GTF2E2: variants seen among roughly 807,000 people sequenced by gnomAD.
GTF2E2 encodes the protein general transcription factor IIE subunit 2, also known as transcription initiation factor IIE subunit beta.
Under a neutral mutation model 40.5 loss-of-function variants are expected in GTF2E2, and 21 were observed. The ratio of observed to expected loss-of-function variants is 0.52; its 90% CI spans 0.37 to 0.75. The LOEUF (loss-of-function observed/expected upper bound fraction) is 0.75, where lower values mean the gene tolerates loss of function less well. GTF2E2 is among the 30% of genes least tolerant of loss of function. The pLI, the probability that GTF2E2 is intolerant of heterozygous loss-of-function variation, is 0.00. For missense variants in GTF2E2, 298 were observed against 338.4 expected (o/e 0.88, Z 0.94); for synonymous variants, 117 against 121.6 (o/e 0.96, Z 0.25).
intron 3 of GTF2E2, among the ~76,000 whole-genome samples, chr8:30,616,504 G>GAAA (rs1563489746): frequency 6.6e-6 from 1 of 151,564 alleles, no homozygotes; most frequent in Non-Finnish European, 1.5e-5. Context: ...GTTGAGGGGA[G>GAAA]AGGATGAACA....
chr8:30,605,313 T>C (rs73574198), intron 6 of GTF2E2, among the ~76,000 whole-genome samples: 1,692 of 151,702 alleles, frequency 0.011, 34 homozygotes, highest in African/African-American at 0.039. Flanking sequence ...AGGAGAGAGA[T>C]AGGTATAGGA....
chr8:30,612,630 GATTC>G, intron 4 of GTF2E2, 149 bp from the exon 5 acceptor site: 5 of 426,128 alleles, frequency 1.2e-5, no homozygotes, highest in Non-Finnish European at 2.1e-5. Context: ...GGGTTCAAGC[GATTC>G]TCCTGCCTCA....
At chr8:30,627,045 A>G (rs1214481228) in intron 3 of GTF2E2, among the ~76,000 whole-genome samples, 1 of 152,338 alleles carries the variant, frequency 6.6e-6, no homozygotes, top group African/African-American at 2.4e-5. Flanking sequence ...ATAGAATCAC[A>G]CCACTGATGG....
intron 2 of GTF2E2, among the ~76,000 whole-genome samples, chr8:30,638,832 C>T (rs1801703131): frequency 6.6e-6 from 1 of 152,180 alleles, no homozygotes; most frequent in Admixed American, 6.5e-5. Flanking sequence ...TTGATAAGCA[C>T]CCTTACCATC....
chr8:30,588,577 T>C (rs1346199703), intron 6 of GTF2E2, among the ~76,000 whole-genome samples: 1 of 151,950 alleles, frequency 6.6e-6, no homozygotes, highest in African/African-American at 2.4e-5. Context: ...AGAAGGGGAA[T>C]GAGGAGGTGT....
At chr8:30,637,224 G>A (rs909662247) in intron 2 of GTF2E2, 4 of 455,062 alleles carry the variant, frequency 8.8e-6, no homozygotes, top group African/African-American at 8.0e-5. Flanking sequence ...GCTTGTTTAA[G>A]TAAAATAATA....
intron 3 of GTF2E2, among the ~76,000 whole-genome samples, chr8:30,618,986 G>A (rs371253317): frequency 1.1e-4 from 17 of 152,042 alleles, no homozygotes; most frequent in South Asian, 8.3e-4. Flanking sequence ...CCTTGTCACC[G>A]GGCTAGAGTG....
intron 2 of GTF2E2, among the ~76,000 whole-genome samples, chr8:30,652,358 A>G (rs1355921771): frequency 6.6e-6 from 1 of 152,198 alleles, no homozygotes; most frequent in African/African-American, 2.4e-5. Flanking sequence ...ATGAAGAATT[A>G]TTAAATCAAT....
At chr8:30,636,614 T>G (rs1359825503) in intron 2 of GTF2E2, among the ~76,000 whole-genome samples, 1 of 152,210 alleles carries the variant, frequency 6.6e-6, no homozygotes, top group Non-Finnish European at 1.5e-5. Context: ...ACATTAAGAA[T>G]GCCTTACAGT....
At chr8:30,650,938 C>T (rs1046804833) in intron 2 of GTF2E2, among the ~76,000 whole-genome samples, 3 of 148,606 alleles carry the variant, frequency 2.0e-5, no homozygotes, top group African/African-American at 7.5e-5. Flanking sequence ...AGCATGAACC[C>T]GGGAAGTGGA....
chr8:30,629,961 TTTG>T lies in GTF2E2; in HGVS notation c.258+5068_258+5070del, dbSNP rs751094330. ...TATCAAAAATAAAGTACACACTTAATTTGTCATCTGAGAATTAAAGTGCTGTCT... is the reference window on the plus strand; with the variant it reads ...TATCAAAAATAAAGTACACACTTAATTCATCTGAGAATTAAAGTGCTGTCT... On this transcript the variant is annotated intron_variant, in intron 3 of 7. Coordinates refer to ENST00000355904, the MANE Select transcript of GTF2E2 (RefSeq NM_002095.6). 2.6e-5 allele frequency among the ~76,000 whole-genome samples: 4 copies of T among 152,162 alleles called. 1 individual carries two copies. Among genetic ancestry groups the T allele is most frequent in the South Asian group, 4.2e-4 (2 of 4,810 alleles).
intron 2 of GTF2E2, among the ~76,000 whole-genome samples, chr8:30,652,368 T>C (rs975166288): frequency 2.6e-5 from 4 of 151,680 alleles, no homozygotes; most frequent in Non-Finnish European, 4.4e-5. Context: ...ATTAAATCAA[T>C]AGAGAGAGGA....
chr8:30,631,013 A>G (rs1350388692), intron 3 of GTF2E2, among the ~76,000 whole-genome samples: 5 of 152,104 alleles, frequency 3.3e-5, no homozygotes, highest in African/African-American at 4.8e-5. Context: ...ATAAAAAGAA[A>G]TATTTTTTTC....
intron 2 of GTF2E2, chr8:30,645,366 T>G: frequency 6.5e-7 from 1 of 1,535,716 alleles, no homozygotes; most frequent in Non-Finnish European, 8.7e-7. Flanking sequence ...ACCTTGGTTT[T>G]CAAGTTCAAA....
Position 30,580,351 on chromosome 8 carries a change from T to A in GTF2E2, c.689A>T (p.Glu230Val), listed in dbSNP as rs757065013. Residue 230 changes from glutamate to valine, a missense_variant, in exon 7 of 8, where the codon GAG becomes GTG. Glu to Val is a moderately radical substitution (Grantham distance 121). Coordinates refer to ENST00000355904, the MANE Select transcript of GTF2E2 (RefSeq NM_002095.6). ...CTTCAGATATTCTTCAATTTTCTCC[T>A]CGTCCATGGAATCTACAGTGACACT... ...WRSVTVDSMD[E>V]EKIEEYLKRQ... 1 of 1,609,218 alleles carries A rather than the reference T, an allele frequency of 6.2e-7. No homozygotes were observed. Among genetic ancestry groups the A allele is most frequent in the Non-Finnish European group, 8.5e-7 (1 of 1,175,502 alleles).
At position 30,578,983 on chromosome 8, in the gene GTF2E2, T is replaced by A. The variant is rs778817965; in HGVS notation, c.814A>T (p.Thr272Ser). 1.2e-6 allele frequency: 2 copies of A among 1,611,560 alleles called. No individual in the cohort carries two copies. The highest frequency in any genetic ancestry group is 1.7e-6 in the Non-Finnish European group (2 of 1,177,672). ...PASQKKRRFK[T>S]HNEHLAGVLK... ...ACTCCAGCCAAGTGTTCGTTATGAGTCTTAAAGCGTCGCTTTTTCTGTGAA... is the reference window on the plus strand; with the variant it reads ...ACTCCAGCCAAGTGTTCGTTATGAGACTTAAAGCGTCGCTTTTTCTGTGAA... Residue 272 changes from threonine (T) to serine (S), a missense_variant, in exon 8 of 8, where the codon ACT becomes TCT. Thr to Ser is a moderately conservative substitution (Grantham distance 58, BLOSUM62 1). Coordinates refer to ENST00000355904, the MANE Select transcript of GTF2E2 (RefSeq NM_002095.6).
intron 5 of GTF2E2, among the ~76,000 whole-genome samples, chr8:30,610,243 C>T (rs1292955202): frequency 5.3e-5 from 8 of 151,884 alleles, no homozygotes; most frequent in African/African-American, 1.7e-4. Context: ...GTCAGGAGTT[C>T]GAGACCAGAC....
At chr8:30,652,975 C>A (rs2128730866) in intron 2 of GTF2E2, among the ~76,000 whole-genome samples, 1 of 152,196 alleles carries the variant, frequency 6.6e-6, no homozygotes, top group South Asian at 2.1e-4. Flanking sequence ...ACTTACTGTA[C>A]AATTTCATTT....
At chr8:30,644,063 C>A (rs192244791) in intron 2 of GTF2E2, among the ~76,000 whole-genome samples, 2 of 152,280 alleles carry the variant, frequency 1.3e-5, no homozygotes, top group Admixed American at 1.3e-4. Flanking sequence ...TCTTAGTGCA[C>A]AGGTTATCTT....
Sources: gnomAD v4.1 joint callset for allele counts (sites outside exome capture counted in the v4.1 genomes callset) on GRCh38, gnomAD v4.1.1 for gene constraint, MANE v1.5 for transcripts, NCBI Gene and HGNC (gene_info 2026-07-23, HGNC 2026-07-21) for gene names.